EXOC2: variants seen among roughly 807,000 people sequenced by gnomAD.
The protein encoded by EXOC2 is SEC5-like 1.
A neutral mutation model predicts 131.8 loss-of-function variants in EXOC2; 70 were observed. The observed-to-expected ratio is 0.53, with a 90% CI of 0.44 to 0.65. The LOEUF is 0.65. Ranked by LOEUF, EXOC2 falls within the 30% of genes least tolerant of loss-of-function variation. The probability of loss-of-function intolerance (pLI) is 0.00; values close to 1 mark genes in which losing one functional copy is unlikely to be tolerated. For missense variants in EXOC2, 923 were observed against 1,108.6 expected (o/e 0.83, Z 2.38); for synonymous variants, 411 against 398.4 (o/e 1.03, Z -0.38).
intron 13 of EXOC2, among the ~76,000 whole-genome samples, chr6:570,982 C>A (rs908851660): frequency 2.6e-5 from 4 of 152,178 alleles, no homozygotes; most frequent in African/African-American, 9.7e-5. Context: ...GTGAGCCCCA[C>A]AGCTCACCCA....
chr6:535,308 C>T (rs1010817387), intron 22 of EXOC2, among the ~76,000 whole-genome samples: 9 of 152,116 alleles, frequency 5.9e-5, no homozygotes, highest in Admixed American at 3.3e-4. Context: ...GAGGCTGCAG[C>T]GTGGTATGAT....
rs66637987 is a variant in EXOC2 at position 654,803 on chromosome 6, CAAAAAAAAAAAAAAAAAAA to C, written c.-43-16961_-43-16943del. 1.9e-3 allele frequency among the ~76,000 whole-genome samples: 55 copies of C among 29,576 alleles called. 2 individuals are homozygous for C. The East Asian group carries it at 0.036, about 19-fold the overall frequency. The allele number at this position is 29,576 out of a possible 152,430, so 19.4% of individuals were successfully genotyped here. On this transcript the variant is annotated intron_variant, in intron 1 of 27. Transcript: ENST00000230449. ...TGGGTGACAGAGTAAGACCCTGTCTCAAAAAAAAAAAAAAAAAAAAAAAAAAAAAAAAAAGTAGAGCCTT... is the reference window on the plus strand; with the variant it reads ...TGGGTGACAGAGTAAGACCCTGTCTCAAAAAAAAAAAAAAAGTAGAGCCTT...
At chr6:555,415 G>T (rs2127574180) in intron 19 of EXOC2, 127 bp from the exon 20 acceptor site, 2 of 517,404 alleles carry the variant, frequency 3.9e-6, no homozygotes, top group East Asian at 5.9e-5. Context: ...GGTGTTGTGT[G>T]CATGTATGAA....
intron 17 of EXOC2, among the ~76,000 whole-genome samples, chr6:559,507 C>T (rs537783158): frequency 2.8e-4 from 42 of 152,268 alleles, no homozygotes; most frequent in Admixed American, 2.0e-3. Context: ...TTGGCTGACT[C>T]CAGACGTGCT....
intron 4 of EXOC2, among the ~76,000 whole-genome samples, chr6:626,893 G>T (rs989331647): frequency 3.2e-4 from 49 of 152,038 alleles, no homozygotes; most frequent in Admixed American, 2.6e-4. Context: ...ACGCCCGGCC[G>T]CAAACTTTTT....
chr6:570,877 G>A (rs1041351422), intron 13 of EXOC2, among the ~76,000 whole-genome samples: 7 of 152,180 alleles, frequency 4.6e-5, no homozygotes, highest in South Asian at 2.1e-4. Context: ...TTTGGTTTAG[G>A]GACAGAGCAG....
intron 4 of EXOC2, among the ~76,000 whole-genome samples, chr6:628,129 C>T (rs1002144257): frequency 6.6e-6 from 1 of 152,160 alleles, no homozygotes; most frequent in Non-Finnish European, 1.5e-5. Flanking sequence ...TTCCTCGCAT[C>T]GACCCTAAGG....
intron 1 of EXOC2, chr6:656,654 C>G (rs763047165): frequency 1.2e-6 from 2 of 1,607,110 alleles, no homozygotes; most frequent in Non-Finnish European, 1.7e-6. Flanking sequence ...TCAGGGAGGA[C>G]GCGCCCGCTG....
Position 495,842 on chromosome 6 carries a change from C to T in EXOC2, c.2559+1525G>A, listed in dbSNP as rs147928406. 9.9e-4 allele frequency among the ~76,000 whole-genome samples: 151 copies of T among 152,314 alleles called. 1 individual carries two copies. Among genetic ancestry groups the T allele is most frequent in the Non-Finnish European group, 1.9e-3 (128 of 68,028 alleles). On this transcript the variant is annotated intron_variant, in intron 25 of 27. Transcript: ENST00000230449. ...TCTTACACTTTTGAAAATCTAATTACATGCATGCTGGATATTGAGACATTG... is the reference window on the plus strand; with the variant it reads ...TCTTACACTTTTGAAAATCTAATTATATGCATGCTGGATATTGAGACATTG...
intron 23 of EXOC2, among the ~76,000 whole-genome samples, chr6:514,081 T>C (rs998471688): frequency 1.3e-5 from 2 of 152,232 alleles, no homozygotes; most frequent in Non-Finnish European, 2.9e-5. Flanking sequence ...CCTTGACGGC[T>C]GTAGACAGTG....
In EXOC2 at chr6:600,836, T is replaced by G. The variant is rs1005612341; in HGVS notation, c.743-1611A>C. 3.2e-4 allele frequency among the ~76,000 whole-genome samples: 49 copies of G among 152,330 alleles called. 2 individuals carry two copies. Among genetic ancestry groups the G allele is most frequent in the Admixed American group, 2.7e-3 (41 of 15,304 alleles). ...TACATGTACTTATATGTTGAAAATTTTATGTGAATACTGACAAATTATAAG... is the reference window on the plus strand; with the variant it reads ...TACATGTACTTATATGTTGAAAATTGTATGTGAATACTGACAAATTATAAG... On this transcript the variant is annotated intron_variant, in intron 7 of 27. Transcript: ENST00000230449.
chr6:657,067 G>C, intron 1 of EXOC2: 1 of 818,266 alleles, frequency 1.2e-6, no homozygotes, highest in Non-Finnish European at 1.8e-6. Flanking sequence ...CAGCTAGGCA[G>C]GCACTCGGGT....
chr6:674,079 G>A (rs1026955456), intron 1 of EXOC2, among the ~76,000 whole-genome samples: 3 of 152,162 alleles, frequency 2.0e-5, no homozygotes, highest in African/African-American at 7.2e-5. Flanking sequence ...ATATTACGAT[G>A]CTTGGTTCAA....
rs1334610893 is a variant in EXOC2, at chr6:609,439, ACAT to A, written c.742+656_742+658del. ...TAAATGACTTATTTTTAAGCCACTA[ACAT>A]CATAGTAAGGATTAATTCATCTGAT... On this transcript the variant is annotated intron_variant, in intron 7 of 27. Transcript: ENST00000230449. Among the ~76,000 whole-genome samples the A allele has an allele frequency of 2.0e-5, 3 of 152,230 alleles. No individual in the cohort carries two copies. In the East Asian group the frequency reaches 5.8e-4, roughly 29 times the overall value.
intron 7 of EXOC2, among the ~76,000 whole-genome samples, chr6:601,060 C>T (rs529430939): frequency 6.6e-6 from 1 of 151,154 alleles, no homozygotes; most frequent in Non-Finnish European, 1.5e-5. Context: ...TCACAAAATG[C>T]ATTTTATGTC....
At chr6:630,009 G>A in intron 3 of EXOC2, 48 bp from the exon 4 acceptor site, 1 of 1,602,914 alleles carries the variant, frequency 6.2e-7, no homozygotes, top group Non-Finnish European at 8.5e-7. Flanking sequence ...CCTACCCCAG[G>A]CACCTTCTAC....
intron 11 of EXOC2, 74 bp from the exon 12 acceptor site, chr6:576,956 T>A: frequency 7.1e-7 from 1 of 1,407,860 alleles, no homozygotes; most frequent in Non-Finnish European, 9.7e-7. Flanking sequence ...TTTAATGGTC[T>A]GCTTCTCTGA....
At chr6:584,866 G>T (rs1027552431) in intron 11 of EXOC2, among the ~76,000 whole-genome samples, 7 of 152,296 alleles carry the variant, frequency 4.6e-5, no homozygotes, top group African/African-American at 1.7e-4. Context: ...TCTCCCTTAA[G>T]TTATCAGACA....
At chr6:677,771 C>G (rs980279868) in intron 1 of EXOC2, among the ~76,000 whole-genome samples, 1 of 152,094 alleles carries the variant, frequency 6.6e-6, no homozygotes, top group African/African-American at 2.4e-5. Context: ...CCAGCCTTAT[C>G]CAAGTACTTT....
Sources: gnomAD v4.1 joint callset for allele counts (sites outside exome capture counted in the v4.1 genomes callset) on GRCh38, gnomAD v4.1.1 for gene constraint, MANE v1.5 for transcripts, NCBI Gene and HGNC (gene_info 2026-07-23, HGNC 2026-07-21) for gene names.